Variants in ZNF75D observed in about 807,000 individuals in gnomAD.
ZNF75D encodes zinc finger protein 75.
In ZNF75D, 33 loss-of-function variants were observed where a neutral mutation model predicts 33.3. The observed-to-expected ratio is 0.99, with a 90% CI of 0.75 to 1.32. ZNF75D has a LOEUF of 1.32. Among genes scored for constraint, ZNF75D ranks in the 40% most tolerant of loss-of-function variants. ZNF75D has a pLI of 0.00. For synonymous variants in ZNF75D, 113 were observed against 130.6 expected (o/e 0.87, Z 0.92); for missense variants, 338 against 367.5 (o/e 0.92, Z 0.66).
At chrX:135,338,405 A>C (rs1248396100) in intron 1 of ZNF75D, among the ~76,000 whole-genome samples, 1 of 112,175 alleles carries the variant, frequency 8.9e-6, no homozygotes, top group Admixed American at 9.4e-5. Flanking sequence ...TTACAAGTAC[A>C]TATTTCTTTT....
chrX:135,284,391 G>A (rs1196214192), downstream of ZNF75D, among the ~76,000 whole-genome samples: 1 of 111,761 alleles, frequency 8.9e-6, no homozygotes, highest in Non-Finnish European at 1.9e-5. Context: ...GAGTTGGCAA[G>A]GGATGACATG....
intron 1 of ZNF75D, among the ~76,000 whole-genome samples, chrX:135,331,955 T>A (rs1341763198): frequency 9.0e-6 from 1 of 111,338 alleles, no homozygotes; most frequent in Non-Finnish European, 1.9e-5. Flanking sequence ...GGCTGTAGGA[T>A]GAAATGGGGA....
chrX:135,323,699 A>G (rs782714626), intron 1 of ZNF75D, among the ~76,000 whole-genome samples: 3 of 111,935 alleles, frequency 2.7e-5, no homozygotes, highest in Non-Finnish European at 5.6e-5. Context: ...GGAACCAGAC[A>G]CATTACCCAG....
At chrX:135,295,182 G>T (rs1480611781) in intron 2 of ZNF75D, among the ~76,000 whole-genome samples, 1 of 111,792 alleles carries the variant, frequency 8.9e-6, no homozygotes, top group Non-Finnish European at 1.9e-5. Context: ...TTCTTTCAAG[G>T]ATGCCACAGG....
rs1385337149 is a variant in ZNF75D, at chrX:135,342,439, G to A, written c.-1062C>T. ...GAGTCTGTCCATTTGGACCCAACAA[G>A]AGAAAGGGATGGTTTAAACTCAAGG... On this transcript the variant is annotated 5_prime_UTR_variant, in exon 1 of 7. Coordinates refer to ENST00000370766, the MANE Select transcript of ZNF75D (RefSeq NM_007131.5). 2 of 112,062 alleles carry A rather than the reference G, an allele frequency of 1.8e-5. No homozygotes were observed. Among genetic ancestry groups the A allele is most frequent in the African/African-American group, 6.5e-5 (2 of 30,741 alleles). 9.2% of individuals were successfully genotyped at this position (112,062 alleles called of 1,213,427 possible).
chrX:135,302,065 G>A (rs2084224888), intron 1 of ZNF75D, among the ~76,000 whole-genome samples: 1 of 112,395 alleles, frequency 8.9e-6, no homozygotes, highest in African/African-American at 3.2e-5. Context: ...AATGGCTCAA[G>A]CTATAACTTG....
At chrX:135,259,091 G>C (rs897382413) in intron 1 of ZNF75D, among the ~76,000 whole-genome samples, 2 of 111,770 alleles carry the variant, frequency 1.8e-5, no homozygotes, top group Non-Finnish European at 3.8e-5. Context: ...GTTTGTCAAA[G>C]ATCAGATGGT....
chrX:135,257,265 C>G lies in ZNF75D; in HGVS notation n.828-1488G>C, dbSNP rs192817553. 3.3e-4 allele frequency among the ~76,000 whole-genome samples: 37 copies of G among 111,470 alleles called. 2 individuals carry two copies. Among genetic ancestry groups the G allele is most frequent in the East Asian group, 2.6e-3 (9 of 3,469 alleles). On this transcript the variant is annotated intron_variant and non_coding_transcript_variant, in intron 1 of 3. Transcript: ENST00000494295. The stretch of plus-strand genomic sequence containing the variant: ...CAGCTCTTAGCATTTCTGGACCCGC[C>G]CTGGGCCATACGGGAGCCCACTGCC...
At position 135,287,107 on chromosome X, in the gene ZNF75D, C is replaced by T; in HGVS notation, c.*30G>A. On this transcript the variant is annotated 3_prime_UTR_variant, in exon 7 of 7. Transcript: ENST00000370766. ...ATAATTTTGTATTCTTTCACCACTT[C>T]TAAAGTCAAGCTCTACATGGTAACT... 2 of 1,132,337 alleles carry T rather than the reference C, an allele frequency of 1.8e-6. No homozygotes were observed. Among genetic ancestry groups the T allele is most frequent in the African/African-American group, 3.7e-5 (2 of 54,767 alleles). 93.3% of individuals were successfully genotyped at this position (1,132,337 alleles called of 1,213,427 possible). A position where few individuals can be genotyped will look rare whatever the true frequency, so the allele number is the denominator to read the frequency against.
chrX:135,260,939 T>C (rs2083838580), intron 1 of ZNF75D, among the ~76,000 whole-genome samples: 1 of 112,569 alleles, frequency 8.9e-6, no homozygotes, highest in South Asian at 3.7e-4. Context: ...CATTTAGTGC[T>C]ATAAATTTCC....
At chrX:135,252,416 GT>G (rs2083782953) in intron 2 of ZNF75D, among the ~76,000 whole-genome samples, 2 of 71,207 alleles carry the variant, frequency 2.8e-5, no homozygotes, top group South Asian at 1.8e-3. Context: ...GCAGAACTGG[GT>G]TTTTGGGGAT....
Position 135,291,608 on chromosome X carries a change from C to T in ZNF75D, c.605-45G>A, listed in dbSNP as rs377124785. 1.8e-4 allele frequency: 216 copies of T among 1,187,153 alleles called. No individual in the cohort carries two copies. In the African/African-American group the frequency reaches 3.4e-3, roughly 19 times the overall value. On this transcript the variant is annotated intron_variant, in intron 4 of 6. Transcript: ENST00000370766. ...AGGGAAAATTTCTGTTTCCTATTTA[C>T]AAACATCCCAAGCTGATTTCTAAAA... is the stretch of plus-strand genomic sequence containing the variant.
At position 135,297,597 on chromosome X, in the gene ZNF75D, GATCTTGAGCTGCAAACA is replaced by G. The variant is rs1249194913; in HGVS notation, c.-390-1575_-390-1559del. On this transcript the variant is annotated intron_variant, in intron 1 of 6. Coordinates refer to ENST00000370766, the MANE Select transcript of ZNF75D (RefSeq NM_007131.5). The stretch of plus-strand genomic sequence containing the variant: ...TGATTCACCCAATAAATCAAGGTGT[GATCTTGAGCTGCAAACA>G]ACTTTATAGGTGGAAGCAACTTAAA... 4 of 116,735 alleles carry G rather than the reference GATCTTGAGCTGCAAACA, an allele frequency of 3.4e-5. No homozygotes were observed. The Admixed American group carries it at 3.5e-4, about 10-fold the overall frequency. The allele number at this position is 116,735 out of a possible 1,213,427, so 9.6% of individuals were successfully genotyped here.
intron 1 of ZNF75D, among the ~76,000 whole-genome samples, chrX:135,333,146 TAAG>T (rs1239048506): frequency 1.8e-5 from 2 of 111,680 alleles, no homozygotes; most frequent in African/African-American, 3.3e-5. Context: ...GGGATTCTCC[TAAG>T]AAGAATATTC....
At chrX:135,267,791 T>C in intron 1 of ZNF75D, among the ~76,000 whole-genome samples, 1 of 97,438 alleles carries the variant, frequency 1.0e-5, no homozygotes. Context: ...ATACCAAAAC[T>C]AGACAAAGAT....
intron 1 of ZNF75D, among the ~76,000 whole-genome samples, chrX:135,340,899 G>C (rs1168810873): frequency 8.9e-6 from 1 of 112,025 alleles, no homozygotes; most frequent in Non-Finnish European, 1.9e-5. Context: ...AATGTAATGA[G>C]GATAGCTGGA....
At chrX:135,307,280 T>C (rs1001548942) in intron 1 of ZNF75D, among the ~76,000 whole-genome samples, 3 of 111,778 alleles carry the variant, frequency 2.7e-5, no homozygotes, top group Non-Finnish European at 5.6e-5. Context: ...CTTCCTTCCC[T>C]GCCACTCAAG....
chrX:135,321,097 C>T (rs1392151001), intron 1 of ZNF75D, among the ~76,000 whole-genome samples: 1 of 111,909 alleles, frequency 8.9e-6, no homozygotes, highest in Non-Finnish European at 1.9e-5. Flanking sequence ...TTGCTGCATC[C>T]TCACATGGTA....
chrX:135,306,288 T>TACACACAC lies in ZNF75D; in HGVS notation c.-390-10257_-390-10250dup, dbSNP rs57049630. On this transcript the variant is annotated intron_variant, in intron 1 of 6. Coordinates refer to ENST00000370766, the MANE Select transcript of ZNF75D (RefSeq NM_007131.5). ...AGGAAGACAGGACAACAGAGATACATACACACACACACACACACACACACA... is the reference window on the plus strand; with the variant it reads ...AGGAAGACAGGACAACAGAGATACATACACACACACACACACACACACACACACACACA... 3.2e-3 allele frequency among the ~76,000 whole-genome samples: 268 copies of TACACACAC among 83,218 alleles called. 3 individuals are homozygous for TACACACAC. The highest frequency in any genetic ancestry group is 7.1e-3 in the East Asian group (19 of 2,669). The allele number at this position is 83,218 out of a possible 115,157, so 72.3% of individuals were successfully genotyped here. A position where few individuals can be genotyped will look rare whatever the true frequency, so the allele number is the denominator to read the frequency against.
Sources: gnomAD v4.1 joint callset for allele counts (sites outside exome capture counted in the v4.1 genomes callset) on GRCh38, gnomAD v4.1.1 for gene constraint, MANE v1.5 for transcripts, NCBI Gene and HGNC (gene_info 2026-07-23, HGNC 2026-07-21) for gene names.